ASIC2: variants seen among roughly 807,000 people sequenced by gnomAD.
The protein encoded by ASIC2 is acid sensing ion channel subunit 2.
A neutral mutation model predicts 57.3 loss-of-function variants in ASIC2; 25 were observed. The observed-to-expected ratio is 0.44, with a 90% CI of 0.32 to 0.61. The LOEUF is 0.61. Among genes scored for constraint, ASIC2 ranks in the 20% least tolerant of loss-of-function variants. The probability of loss-of-function intolerance (pLI) is 0.06; values close to 1 mark genes in which losing one functional copy is unlikely to be tolerated. For synonymous variants in ASIC2, 319 were observed against 307.5 expected, an observed-to-expected ratio of 1.04 and a Z score of -0.39; for missense variants, 641 against 738.1, an observed-to-expected ratio of 0.87 and a Z score of 1.52.
intron 1 of ASIC2, among the ~76,000 whole-genome samples, chr17:33,679,551 C>G (rs866937701): frequency 6.6e-6 from 1 of 152,138 alleles, no homozygotes; most frequent in Non-Finnish European, 1.5e-5. Flanking sequence ...ATAGAGAGAA[C>G]CTTCTAGCTG....
intron 1 of ASIC2, among the ~76,000 whole-genome samples, chr17:33,626,866 T>C (rs1031499995): frequency 6.6e-6 from 1 of 152,172 alleles, no homozygotes; most frequent in Non-Finnish European, 1.5e-5. Context: ...CTCTGCCCTA[T>C]GAACACAATT....
At chr17:33,377,492 T>TC (rs924665319) in intron 1 of ASIC2, among the ~76,000 whole-genome samples, 2 of 152,250 alleles carry the variant, frequency 1.3e-5, no homozygotes, top group African/African-American at 4.8e-5. Flanking sequence ...ATCTTTTATG[T>TC]CCAATTTCAC....
chr17:34,144,204 A>G (rs1912352818), intron 1 of ASIC2, among the ~76,000 whole-genome samples: 1 of 152,228 alleles, frequency 6.6e-6, no homozygotes, highest in South Asian at 2.1e-4. Flanking sequence ...GAAGTATTCC[A>G]TGTAAAGTGC....
At chr17:33,492,196 T>C (rs3935891) in intron 1 of ASIC2, among the ~76,000 whole-genome samples, 39,882 of 152,144 alleles carry the variant, frequency 0.26, 5,487 homozygotes, top group African/African-American at 0.34. Context: ...GTTTTACATC[T>C]GGGAATTCAT....
At chr17:33,848,789 C>G (rs1482021031) in intron 1 of ASIC2, among the ~76,000 whole-genome samples, 3 of 152,150 alleles carry the variant, frequency 2.0e-5, no homozygotes, top group Non-Finnish European at 2.9e-5. Flanking sequence ...AGGCCCTCAA[C>G]ACTCTGGGGT....
chr17:33,291,678 G>A lies in ASIC2; in HGVS notation c.438C>T (p.Leu146=). ...CGGCATAGTAGAGGTCCCCCTTGGA[G>A]AGGCGCGGGAAGCGCAGCGGGTTGT... The part of the protein sequence containing the change: ...CNNNPLRFPR[L]SKGDLYYAGH... The change falls in exon 1 of 10, where the codon CTC becomes CTT. Residue 146 remains leucine (L), a synonymous_variant. Transcript: ENST00000225823. 1 of 1,613,418 alleles carries A rather than the reference G, an allele frequency of 6.2e-7. No individual in the cohort carries two copies. The highest frequency in any genetic ancestry group is 1.1e-5 in the South Asian group (1 of 91,070).
intron 1 of ASIC2, among the ~76,000 whole-genome samples, chr17:33,619,943 A>T (rs1905731616): frequency 6.6e-6 from 1 of 152,192 alleles, no homozygotes; most frequent in Non-Finnish European, 1.5e-5. Context: ...CGTGCAATGC[A>T]GACAGCATTT....
At chr17:33,287,848 T>C (rs1242199350) in intron 1 of ASIC2, among the ~76,000 whole-genome samples, 3 of 152,168 alleles carry the variant, frequency 2.0e-5, no homozygotes, top group Admixed American at 6.5e-5. Flanking sequence ...TGGGGAGTGC[T>C]TGGCATCTTG....
intron 1 of ASIC2, among the ~76,000 whole-genome samples, chr17:33,425,084 G>A (rs1299754738): frequency 2.6e-5 from 4 of 152,292 alleles, no homozygotes; most frequent in African/African-American, 9.6e-5. Flanking sequence ...TTATTATGAA[G>A]CCCAGTATTG....
rs554883036 is a variant in ASIC2, at chr17:33,756,036, G to A, written c.555+399942C>T. On this transcript the variant is annotated intron_variant, in intron 1 of 9. Coordinates refer to the ASIC2 transcript ENST00000359872. The stretch of plus-strand genomic sequence containing the variant: ...GTGTGCATGGTCAGTACACCCAGCC[G>A]GCAGCTCTGCTTCCCGTTTTCCCTG... 3.3e-5 allele frequency among the ~76,000 whole-genome samples: 5 copies of A among 152,210 alleles called. No homozygotes were observed. In the South Asian group the frequency reaches 6.2e-4, roughly 19 times the overall value.
chr17:33,411,661 C>T (rs1233140121), intron 1 of ASIC2, among the ~76,000 whole-genome samples: 1 of 152,088 alleles, frequency 6.6e-6, no homozygotes, highest in Non-Finnish European at 1.5e-5. Context: ...GGTTTAAGAA[C>T]CAGAGGGGCA....
chr17:33,823,447 T>C (rs369658199), intron 1 of ASIC2, among the ~76,000 whole-genome samples: 1 of 152,198 alleles, frequency 6.6e-6, no homozygotes, highest in Admixed American at 6.5e-5. Flanking sequence ...CAGAAGCCCA[T>C]GCCCCAGAGA....
chr17:33,549,532 T>A (rs576710748), intron 1 of ASIC2, among the ~76,000 whole-genome samples: 1 of 152,188 alleles, frequency 6.6e-6, no homozygotes, highest in Non-Finnish European at 1.5e-5. Context: ...CTTCATGGGA[T>A]TCTAGCAAGA....
chr17:33,338,690 G>T (rs559904846), intron 1 of ASIC2, among the ~76,000 whole-genome samples: 2 of 152,154 alleles, frequency 1.3e-5, no homozygotes, highest in Non-Finnish European at 2.9e-5. Flanking sequence ...GGTCTCCAAA[G>T]GGTTACAGTA....
chr17:33,278,198 C>CTTT (rs1904783782), intron 1 of ASIC2, among the ~76,000 whole-genome samples: 4 of 134,964 alleles, frequency 3.0e-5, no homozygotes, highest in East Asian at 2.4e-4. Flanking sequence ...TGCCCTTATT[C>CTTT]ATTTTTTTTT....
At chr17:34,109,035 T>A (rs201975108) in intron 1 of ASIC2, among the ~76,000 whole-genome samples, 1 of 10,374 alleles carries the variant, frequency 9.6e-5, no homozygotes, top group Non-Finnish European at 2.2e-4. Flanking sequence ...TGTTGATTTA[T>A]TTTATTTTAT....
chr17:34,008,634 C>T (rs562127929), intron 1 of ASIC2, among the ~76,000 whole-genome samples: 2 of 152,188 alleles, frequency 1.3e-5, no homozygotes, highest in South Asian at 2.1e-4. Context: ...AGGAGTCATA[C>T]ATATCTAGGA....
intron 3 of ASIC2, among the ~76,000 whole-genome samples, chr17:33,045,984 G>C (rs2141922993): frequency 6.6e-6 from 1 of 152,324 alleles, no homozygotes; most frequent in East Asian, 1.9e-4. Context: ...CTGCAAGAGG[G>C]TCTACTCATA....
At chr17:33,486,126 G>A (rs7221633) in intron 1 of ASIC2, among the ~76,000 whole-genome samples, 2,529 of 152,268 alleles carry the variant, frequency 0.017, 69 homozygotes, top group African/African-American at 0.057. Context: ...CTCCTAGAAC[G>A]TCTCTCATCA....
Sources: allele counts gnomAD v4.1 joint callset (sites outside exome capture counted in the v4.1 genomes callset), GRCh38; gene constraint gnomAD v4.1.1; transcripts MANE v1.5; gene names NCBI Gene and HGNC (gene_info 2026-07-23, HGNC 2026-07-21).